The following DUOX1 variants were observed in gnomAD, a reference collection of about 807,000 sequenced individuals.
DUOX1 encodes the protein NADPH thyroid oxidase 1.
DUOX1 carries 134 observed loss-of-function variants against 181.8 expected under a neutral mutation model. The ratio of observed to expected loss-of-function variants is 0.74; its 90% CI spans 0.64 to 0.85. DUOX1 has a LOEUF of 0.85. Among genes scored for constraint, DUOX1 ranks in the 40% least tolerant of loss-of-function variants. The probability of loss-of-function intolerance (pLI) is 0.00; values close to 1 mark genes in which losing one functional copy is unlikely to be tolerated. For synonymous variants in DUOX1, 798 were observed against 832.5 expected, an observed-to-expected ratio of 0.96 and a Z score of 0.71; for missense variants, 1,814 against 2,064.4, an observed-to-expected ratio of 0.88 and a Z score of 2.35.
intron 31 of DUOX1, among the ~76,000 whole-genome samples, chr15:45,162,851 A>ACAGCTCAAGTG (rs55803044): frequency 0.16 from 24,676 of 152,092 alleles, 2,395 homozygotes; most frequent in East Asian, 0.41. Context: ...CCCCAGGAAC[A>ACAGCTCAAGTG]CAGCTCAAAC....
intron 9 of DUOX1, 118 bp downstream of exon 9, chr15:45,136,743 G>T (rs1210460416): frequency 3.0e-5 from 27 of 886,580 alleles, no homozygotes; most frequent in Non-Finnish European, 4.8e-5. Flanking sequence ...CCAAGGGAAA[G>T]ACCGATAGAG....
In DUOX1 at chr15:45,147,543, G is replaced by A. The variant is rs770944628; in HGVS notation, c.2433G>A (p.Leu811=). The change falls in exon 19 of 34, where the codon CTG becomes CTA. Residue 811 remains leucine, a synonymous_variant. Coordinates refer to ENST00000389037, the MANE Select transcript of DUOX1 (RefSeq NM_175940.3). The part of the protein sequence containing the change: ...ELSRAEFAES[L]GLKPQDMFVE... ...GCAGGGCCGAGTTTGCCGAGTCCCT[G>A]GGCCTCAAGCCCCAGGACATGTTTG... 10 of 1,613,962 alleles carry A rather than the reference G, an allele frequency of 6.2e-6. No individual in the cohort carries two copies. The Admixed American group carries it at 1.2e-4, about 19-fold the overall frequency.
chr15:45,160,837 C>G lies in DUOX1; in HGVS notation c.3703C>G (p.Leu1235Val). Residue 1235 changes from leucine (L) to valine (V), a missense_variant and splice_region_variant, in exon 29 of 34, where the codon CTC becomes GTC. Leu to Val is a conservative substitution (Grantham distance 32). Around this residue, in one of 5 missense-constraint regions of DUOX1, gnomAD observed 279 missense variants for 381.9 expected, o/e 0.73. Coordinates refer to ENST00000389037, the MANE Select transcript of DUOX1 (RefSeq NM_175940.3). The stretch of plus-strand genomic sequence containing the variant: ...GAGCAGAGCTCTTTCCTCCATCTAG[C>G]TCATCATCCATGGTAGCTTTGCCCT... ...HHLYILLYVLLIIHGSFALIQ... is the reference protein window; with the variant it reads ...HHLYILLYVLVIIHGSFALIQ... 1.9e-6 allele frequency: 3 copies of G among 1,602,364 alleles called. No individual in the cohort carries two copies. The highest frequency in any genetic ancestry group is 2.6e-6 in the Non-Finnish European group (3 of 1,173,436).
At chr15:45,131,018 A>G (rs1896120307) in intron 1 of DUOX1, among the ~76,000 whole-genome samples, 1 of 152,302 alleles carries the variant, frequency 6.6e-6, no homozygotes, top group Non-Finnish European at 1.5e-5. Context: ...TTTTCATTTA[A>G]TAGGAGATGG....
chr15:45,154,039 C>G, intron 27 of DUOX1, 39 bp downstream of exon 27: 2 of 1,601,142 alleles, frequency 1.2e-6, no homozygotes, highest in Non-Finnish European at 1.7e-6. Context: ...CTGGACCTGA[C>G]TGTGAGTTCA....
intron 25 of DUOX1, 43 bp from the exon 26 acceptor site, chr15:45,153,337 C>G: frequency 6.4e-7 from 1 of 1,565,448 alleles, no homozygotes; most frequent in Non-Finnish European, 8.8e-7. Context: ...GAGCACCCAC[C>G]CTGGGCTGCC....
intron 12 of DUOX1, chr15:45,139,998 C>T (rs1484586668): frequency 9.1e-7 from 1 of 1,100,930 alleles, no homozygotes; most frequent in African/African-American, 1.6e-5. Context: ...ACCACCTGGA[C>T]TGGTGGCCCA....
chr15:45,138,114 G>GTGTGTGTGTGTGT, intron 10 of DUOX1, 100 bp downstream of exon 10: 1 of 879,046 alleles, frequency 1.1e-6, no homozygotes, highest in Non-Finnish European at 1.6e-6. Flanking sequence ...GTGAGTGCAT[G>GTGTGTGTGTGTGT]GTGAAAGTGG....
chr15:45,133,818 C>A, intron 2 of DUOX1, 46 bp from the exon 3 acceptor site: 1 of 1,563,030 alleles, frequency 6.4e-7, no homozygotes, highest in South Asian at 1.1e-5. Context: ...CCTGTCCTCT[C>A]ACGCACTGAC....
rs2141296510 is a variant in DUOX1, at chr15:45,155,789, A to G, written c.3575-13A>G. On this transcript the variant is annotated splice_polypyrimidine_tract_variant and intron_variant, in intron 27 of 33. Transcript: ENST00000389037. ...ACTGATCTTCTGCCTTCCACCCTAT[A>G]TTCATTTTGCAGGCCTCACGGGGGT... is the stretch of plus-strand genomic sequence containing the variant. The G allele has an allele frequency of 6.2e-7, 1 of 1,613,154 alleles. No homozygotes were observed.
rs1897107838 is a variant in DUOX1, at chr15:45,161,745, C to T, written c.3864C>T (p.Thr1288=). The T allele has an allele frequency of 1.9e-6, 3 of 1,613,434 alleles. No individual in the cohort carries two copies. Among genetic ancestry groups the T allele is most frequent in the Non-Finnish European group, 2.5e-6 (3 of 1,179,998 alleles). Residue 1288 remains threonine (T), a synonymous_variant, in exon 30 of 34, where the codon ACC becomes ACT. Transcript: ENST00000389037. Reference sequence around the variant, plus strand: ...CCCACCATCCCTCCCCAGGAGTGACCCACCTGCGGTTCCAGCGGCCCCAGG... The same window carrying T: ...CCCACCATCCCTCCCCAGGAGTGACTCACCTGCGGTTCCAGCGGCCCCAGG... ...VKAELLPSGV[T]HLRFQRPQGF...
At chr15:45,143,799 A>G (rs1259228595) in intron 16 of DUOX1, among the ~76,000 whole-genome samples, 1 of 152,260 alleles carries the variant, frequency 6.6e-6, no homozygotes, top group African/African-American at 2.4e-5. Context: ...TAATTCATGC[A>G]AAGCACTTGG....
intron 2 of DUOX1, among the ~76,000 whole-genome samples, chr15:45,133,007 T>C (rs1036172316): frequency 6.6e-5 from 10 of 152,252 alleles, no homozygotes; most frequent in Admixed American, 6.5e-4. Flanking sequence ...TTCTCTGAAG[T>C]GAGCAGAGAA....
intron 2 of DUOX1, among the ~76,000 whole-genome samples, chr15:45,133,338 C>G (rs1245893478): frequency 6.6e-6 from 1 of 152,172 alleles, no homozygotes; most frequent in Non-Finnish European, 1.5e-5. Flanking sequence ...AACACCACAC[C>G]CTTGCCCTGG....
At chr15:45,140,805 C>T (rs893300544) in intron 12 of DUOX1, 90 bp from the exon 13 acceptor site, 50 of 1,276,592 alleles carry the variant, frequency 3.9e-5, no homozygotes, top group Middle Eastern at 1.9e-4. Context: ...TTATTATTAT[C>T]ATCCCTGGGG....
At chr15:45,141,683 G>A (rs1281361280) in intron 14 of DUOX1, among the ~76,000 whole-genome samples, 3 of 152,062 alleles carry the variant, frequency 2.0e-5, no homozygotes, top group African/African-American at 7.2e-5. Flanking sequence ...GATGGAGCTC[G>A]GGCTAGGTAT....
chr15:45,142,767 A>AGAAGGAAG (rs57036192), intron 15 of DUOX1, among the ~76,000 whole-genome samples: 4 of 115,232 alleles, frequency 3.5e-5, no homozygotes, highest in East Asian at 2.7e-4. Flanking sequence ...AAGGAAGGAA[A>AGAAGGAAG]GAAGGAAGGA....
At chr15:45,143,590 T>A (rs1896565145) in intron 16 of DUOX1, among the ~76,000 whole-genome samples, 1 of 152,164 alleles carries the variant, frequency 6.6e-6, no homozygotes, top group Non-Finnish European at 1.5e-5. Context: ...ATTTGTAGCA[T>A]CTCACGCTGG....
Position 45,147,446 on chromosome 15 carries a change from A to G in DUOX1, c.2336A>G (p.Asn779Ser). 11 of 1,613,534 alleles carry G rather than the reference A, an allele frequency of 6.8e-6. No individual in the cohort carries two copies. Among genetic ancestry groups the G allele is most frequent in the Non-Finnish European group, 9.3e-6 (11 of 1,179,786 alleles). ...RHLFSQVLDI[N>S]QADAGTLPLD... is the part of the protein sequence containing the mutation. ...GCCCAAGTGCAGGTGCTGGACATCAACCAGGCCGACGCAGGGACCCTGCCC... is the reference window on the plus strand; with the variant it reads ...GCCCAAGTGCAGGTGCTGGACATCAGCCAGGCCGACGCAGGGACCCTGCCC... Residue 779 changes from asparagine to serine, a missense_variant, in exon 19 of 34, where the codon AAC (asparagine) becomes AGC (serine). Asn to Ser is a conservative substitution (Grantham distance 46). This residue lies in a region of DUOX1 where 1,064 missense variants were observed against 1,152.9 expected (regional missense o/e 0.92). Coordinates refer to ENST00000389037, the MANE Select transcript of DUOX1 (RefSeq NM_175940.3).
Sources: gnomAD v4.1 joint callset for allele counts (sites outside exome capture counted in the v4.1 genomes callset) on GRCh38, gnomAD v4.1.1 for gene constraint, gnomAD v4.1.1 regional missense constraint, MANE v1.5 for transcripts, NCBI Gene and HGNC (gene_info 2026-07-23, HGNC 2026-07-21) for gene names.